SBK1: variants seen among roughly 807,000 people sequenced by gnomAD.
SBK1 encodes the protein SH3 domain binding kinase 1.
A neutral mutation model predicts 24.4 loss-of-function variants in SBK1; 11 were observed. The observed-to-expected ratio is 0.45, with a 90% CI of 0.28 to 0.75. The LOEUF (loss-of-function observed/expected upper bound fraction) is 0.75. SBK1 is among the 30% of genes least tolerant of loss of function. The probability of loss-of-function intolerance (pLI) is 0.12; values close to 1 mark genes in which losing one functional copy is unlikely to be tolerated. For synonymous variants in SBK1, 308 were observed against 284.4 expected (o/e 1.08, Z -0.83); for missense variants, 467 against 620.5 (o/e 0.75, Z 2.63).
intron 1 of SBK1, among the ~76,000 whole-genome samples, chr16:28,268,699 G>A (rs1357981935): frequency 6.6e-6 from 1 of 151,892 alleles, no homozygotes; most frequent in Non-Finnish European, 1.5e-5. Context: ...GGAGGCGGAG[G>A]TTGCAGTGAG....
intron 1 of SBK1, among the ~76,000 whole-genome samples, chr16:28,313,618 C>T (rs2044769986): frequency 6.8e-6 from 1 of 146,432 alleles, no homozygotes; most frequent in Admixed American, 6.8e-5. Flanking sequence ...AAAAAACATA[C>T]TGACAGGGGA....
intron 1 of SBK1, among the ~76,000 whole-genome samples, chr16:28,264,808 G>A (rs916288124): frequency 7.2e-5 from 11 of 151,992 alleles, no homozygotes; most frequent in Non-Finnish European, 1.3e-4. Flanking sequence ...AGGACTCCGC[G>A]GTATTGAGAT....
intron 1 of SBK1, among the ~76,000 whole-genome samples, chr16:28,282,699 A>T (rs1204191292): frequency 2.0e-5 from 3 of 151,782 alleles, no homozygotes; most frequent in Non-Finnish European, 4.4e-5. Flanking sequence ...GGGGCCCCAT[A>T]TGGCAGCCCA....
chr16:28,297,018 G>A (rs975474286), intron 1 of SBK1, among the ~76,000 whole-genome samples: 2 of 152,114 alleles, frequency 1.3e-5, no homozygotes. Context: ...AGAGCTGGGG[G>A]CCTAATTATA....
At position 28,283,603 on chromosome 16, in the gene SBK1, G is replaced by A. The variant is rs2044546841; in HGVS notation, c.257+24101G>A. ...GGGGTGTTATACACTGATCAGTGGG[G>A]GCTGGGTCACAAGTCCTCCCCTACA... On this transcript the variant is annotated intron_variant, in intron 1 of 3. Transcript: ENST00000671413. 5.9e-5 allele frequency among the ~76,000 whole-genome samples: 9 copies of A among 152,230 alleles called. No individual in the cohort carries two copies. In the South Asian group the frequency reaches 1.9e-3, roughly 32 times the overall value.
At chr16:28,308,585 G>A (rs2044732579) in intron 1 of SBK1, among the ~76,000 whole-genome samples, 1 of 143,536 alleles carries the variant, frequency 7.0e-6, no homozygotes, top group Non-Finnish European at 1.5e-5. Context: ...ACCATGCCCA[G>A]CTAATTTTTT....
rs376906418 is a variant in SBK1 at position 28,280,653 on chromosome 16, A to ATTTATTTTAT, written c.257+21169_257+21178dup. 5.0e-4 allele frequency among the ~76,000 whole-genome samples: 75 copies of ATTTATTTTAT among 151,230 alleles called. 2 individuals are homozygous for ATTTATTTTAT. The highest frequency in any genetic ancestry group is 4.5e-3 in the Admixed American group (67 of 14,980). On this transcript the variant is annotated intron_variant, in intron 1 of 3. Coordinates refer to the SBK1 transcript ENST00000671413. ...ACTGTGAGACCCTGACAGTAACTTCATTTATTTTATTTTATTTTATTTTAT... is the reference window on the plus strand; with the variant it reads ...ACTGTGAGACCCTGACAGTAACTTCATTTATTTTATTTTATTTTATTTTATTTTATTTTAT...
intron 1 of SBK1, among the ~76,000 whole-genome samples, chr16:28,295,349 C>A (rs576445899): frequency 9.9e-5 from 15 of 152,264 alleles, no homozygotes; most frequent in Non-Finnish European, 1.6e-4. Flanking sequence ...CCGTCACGTG[C>A]TCTTCCCCTG....
rs1410802570 is a variant in SBK1, at chr16:28,292,718, C to A, written c.-590C>A. The A allele has an allele frequency of 2.9e-5, 29 of 984,664 alleles. No homozygotes were observed. The highest frequency in any genetic ancestry group is 1.2e-6 in the Non-Finnish European group (1 of 829,400). The allele number at this position is 984,664 out of a possible 1,614,324, so 61.0% of individuals were successfully genotyped here. A position where few individuals can be genotyped will look rare whatever the true frequency, so the allele number is the denominator to read the frequency against. ...TCCAGCGCCCGCCGGTGGCCGGGAC[C>A]CACTAAAGCCCCCGCAGCCGAGGAG... On this transcript the variant is annotated 5_prime_UTR_variant, in exon 1 of 4. Coordinates refer to ENST00000341901, the MANE Select transcript of SBK1 (RefSeq NM_001024401.3).
intron 1 of SBK1, among the ~76,000 whole-genome samples, chr16:28,273,975 T>G (rs1400882267): frequency 6.6e-6 from 1 of 152,158 alleles, no homozygotes; most frequent in Non-Finnish European, 1.5e-5. Context: ...AAAAGTACTA[T>G]CTGACTCCAG....
At chr16:28,308,740 GGTGTGTGT>G (rs763015809) in intron 1 of SBK1, among the ~76,000 whole-genome samples, 96 of 130,604 alleles carry the variant, frequency 7.4e-4, no homozygotes, top group African/African-American at 2.4e-3. Flanking sequence ...CGTTCTTTGG[GGTGTGTGT>G]GTGTGTGTGT....
intron 1 of SBK1, among the ~76,000 whole-genome samples, chr16:28,282,218 A>G (rs2044537108): frequency 6.6e-6 from 1 of 152,194 alleles, no homozygotes. Flanking sequence ...GCAGGCAGCA[A>G]GCTGGATGCA....
intron 1 of SBK1, among the ~76,000 whole-genome samples, chr16:28,316,380 GC>G (rs2141590399): frequency 6.6e-6 from 1 of 152,296 alleles, no homozygotes; most frequent in South Asian, 2.1e-4. Context: ...TGGGGTGTAA[GC>G]CCCATGGTGG....
rs1266348604 is a variant in SBK1, at chr16:28,292,558, C to G, written c.-750C>G. The G allele has an allele frequency of 1.9e-5, 18 of 972,444 alleles. No homozygotes were observed. Among genetic ancestry groups the G allele is most frequent in the Non-Finnish European group, 1.9e-5 (16 of 825,438 alleles). The allele number at this position is 972,444 out of a possible 1,614,324, so 60.2% of individuals were successfully genotyped here. A position where few individuals can be genotyped will look rare whatever the true frequency, so the allele number is the denominator to read the frequency against. ...GATGGAGCGCAGCCCGGGCGGGCGC[C>G]GGGGCCGGGGCCCGAGCGCCAGGCG... On this transcript the variant is annotated 5_prime_UTR_variant, in exon 1 of 4. Coordinates refer to ENST00000341901, the MANE Select transcript of SBK1 (RefSeq NM_001024401.3).
At chr16:28,267,201 C>G (rs1018490537) in intron 1 of SBK1, among the ~76,000 whole-genome samples, 1 of 152,090 alleles carries the variant, frequency 6.6e-6, no homozygotes, top group African/African-American at 2.4e-5. Flanking sequence ...GCCACTGCAC[C>G]TAGCCTAATT....
intron 1 of SBK1, among the ~76,000 whole-genome samples, chr16:28,280,171 G>GTGTGTGTGTGTGTGTGTGTGTGTC (rs1247488558): frequency 9.1e-6 from 1 of 109,572 alleles, no homozygotes; most frequent in Non-Finnish European, 1.9e-5. Flanking sequence ...GTGTGTGTGT[G>GTGTGTGTGTGTGTGTGTGTGTGTC]TATGTATATA....
At chr16:28,261,631 A>G (rs1295747498) in intron 1 of SBK1, among the ~76,000 whole-genome samples, 2 of 152,180 alleles carry the variant, frequency 1.3e-5, no homozygotes, top group Non-Finnish European at 2.9e-5. Context: ...CCCTGTCTCA[A>G]AAAAGAGAAA....
At chr16:28,290,572 T>C (rs762180090), upstream of SBK1, 13 of 151,646 alleles carry the variant, frequency 8.6e-5, no homozygotes, top group Non-Finnish European at 1.8e-4. Context: ...CAGGCAGAGG[T>C]TGCGGTGAGG....
chr16:28,282,298 G>A (rs1022934523), intron 1 of SBK1, among the ~76,000 whole-genome samples: 5 of 151,290 alleles, frequency 3.3e-5, no homozygotes, highest in African/African-American at 1.2e-4. Context: ...GGAGGAAGAG[G>A]TGTCTGAGCT....
Sources: allele counts gnomAD v4.1 joint callset (sites outside exome capture counted in the v4.1 genomes callset), GRCh38; gene constraint gnomAD v4.1.1; transcripts MANE v1.5; gene names NCBI Gene and HGNC (gene_info 2026-07-23, HGNC 2026-07-21).